The following PTPRD variants were observed in gnomAD, a reference collection of about 807,000 sequenced individuals.
PTPRD encodes the protein protein tyrosine phosphatase receptor type D, also known as receptor-type tyrosine-protein phosphatase delta.
In PTPRD, 34 loss-of-function variants were observed where a neutral mutation model predicts 214.5. That is an observed-to-expected ratio of 0.16 (90% confidence interval 0.12 to 0.21). The LOEUF is 0.21. PTPRD is among the 10% of genes least tolerant of loss of function. PTPRD has a pLI of 1.00. For missense variants in PTPRD, 2,545 were observed against 2,398.7 expected, an observed-to-expected ratio of 1.06 and a Z score of -1.27; for synonymous variants, 1,128 against 845.7, an observed-to-expected ratio of 1.33 and a Z score of -5.79.
intron 2 of PTPRD, among the ~76,000 whole-genome samples, chr9:10,487,275 C>T (rs180778347): frequency 2.0e-5 from 3 of 152,228 alleles, no homozygotes; most frequent in African/African-American, 7.2e-5. Context: ...GATTGAAGAG[C>T]TTAGTCCACT....
chr9:9,904,107 C>G lies in PTPRD; in HGVS notation c.-368+34400G>C, dbSNP rs73400690. ...CACAGCTTGTTCCTTTTCATCATCT[C>G]ACTTCTCTCTCTTCTCACAAAGAAT... On this transcript the variant is annotated intron_variant, in intron 5 of 45. Coordinates refer to ENST00000381196, the MANE Select transcript of PTPRD (RefSeq NM_002839.4). Among the ~76,000 whole-genome samples the G allele has an allele frequency of 2.5e-3, 383 of 152,188 alleles. 1 individual carries two copies. Among genetic ancestry groups the G allele is most frequent in the African/African-American group, 8.4e-3 (348 of 41,534 alleles).
intron 36 of PTPRD, among the ~76,000 whole-genome samples, chr9:8,399,312 G>C (rs1285564038): frequency 2.6e-5 from 4 of 152,078 alleles, no homozygotes; most frequent in Non-Finnish European, 5.9e-5. Context: ...GGCTTGCAAA[G>C]AGATTGTATA....
At chr9:9,908,223 C>T (rs1263255754) in intron 5 of PTPRD, among the ~76,000 whole-genome samples, 1 of 151,932 alleles carries the variant, frequency 6.6e-6, no homozygotes, top group Non-Finnish European at 1.5e-5. Context: ...GGAATTTACA[C>T]ATATAGAACA....
chr9:10,587,794 T>C (rs1278462246), intron 2 of PTPRD, among the ~76,000 whole-genome samples: 13 of 152,006 alleles, frequency 8.6e-5, no homozygotes, highest in Admixed American at 1.3e-4. Context: ...CACACTTTAG[T>C]CTAGTGAAGG....
At chr9:9,137,867 G>A (rs946460874) in intron 10 of PTPRD, among the ~76,000 whole-genome samples, 4 of 152,010 alleles carry the variant, frequency 2.6e-5, no homozygotes, top group South Asian at 2.1e-4. Context: ...CCCAATTCAG[G>A]TCTAAATAAT....
At chr9:9,631,639 A>C (rs967256423) in intron 7 of PTPRD, among the ~76,000 whole-genome samples, 18 of 152,184 alleles carry the variant, frequency 1.2e-4, no homozygotes, top group African/African-American at 4.3e-4. Flanking sequence ...GACACAAGCA[A>C]TGTCAGGTAA....
At chr9:8,858,936 T>G (rs776442435) in intron 11 of PTPRD, among the ~76,000 whole-genome samples, 37 of 152,056 alleles carry the variant, frequency 2.4e-4, no homozygotes, top group Non-Finnish European at 4.6e-4. Context: ...TCCAACAGAT[T>G]CACTCATCTC....
At chr9:9,766,480 T>A (rs1219444841) in intron 6 of PTPRD, among the ~76,000 whole-genome samples, 1 of 152,200 alleles carries the variant, frequency 6.6e-6, no homozygotes, top group African/African-American at 2.4e-5. Context: ...CCTATTTCAA[T>A]AATTTCATCT....
intron 9 of PTPRD, among the ~76,000 whole-genome samples, chr9:9,234,808 A>G (rs1307281296): frequency 6.6e-6 from 1 of 152,168 alleles, no homozygotes; most frequent in African/African-American, 2.4e-5. Context: ...TACCACTATC[A>G]GCATTTCGCT....
chr9:9,218,149 G>T (rs2099953512), intron 9 of PTPRD, among the ~76,000 whole-genome samples: 1 of 152,082 alleles, frequency 6.6e-6, no homozygotes, highest in Admixed American at 6.6e-5. Context: ...AAGCATCTTT[G>T]GGAATTGCTT....
rs567579444 is a variant in PTPRD at position 9,565,148 on chromosome 9, G to A, written c.-237+9584C>T. Among the ~76,000 whole-genome samples the A allele has an allele frequency of 2.7e-4, 41 of 151,774 alleles. No individual in the cohort carries two copies. The Middle Eastern group carries it at 0.024, about 88-fold the overall frequency. ...TAATATGTGTAAAAGGTTTTGTAAA[G>A]TGGAAAGGATTATCTGAATGAGTAA... On this transcript the variant is annotated intron_variant, in intron 8 of 45. Coordinates refer to ENST00000381196, the MANE Select transcript of PTPRD (RefSeq NM_002839.4).
intron 9 of PTPRD, among the ~76,000 whole-genome samples, chr9:9,313,576 C>A (rs973326634): frequency 6.6e-6 from 1 of 152,172 alleles, no homozygotes; most frequent in African/African-American, 2.4e-5. Flanking sequence ...GAATCCAAAT[C>A]TAGCTGCTCA....
At chr9:9,743,284 AG>A (rs2098423140) in intron 6 of PTPRD, among the ~76,000 whole-genome samples, 2 of 152,198 alleles carry the variant, frequency 1.3e-5, no homozygotes, top group Non-Finnish European at 2.9e-5. Flanking sequence ...TGAGTCCAAG[AG>A]GGCTGGAACC....
At chr9:9,498,215 T>G (rs535871766) in intron 8 of PTPRD, among the ~76,000 whole-genome samples, 3 of 152,152 alleles carry the variant, frequency 2.0e-5, no homozygotes, top group Non-Finnish European at 4.4e-5. Context: ...ATTATGCTCT[T>G]TGAGTGGCAT....
chr9:9,263,255 T>C (rs1209009633), intron 9 of PTPRD, among the ~76,000 whole-genome samples: 1 of 151,646 alleles, frequency 6.6e-6, no homozygotes, highest in Non-Finnish European at 1.5e-5. Flanking sequence ...CACAAGTACA[T>C]ATCATTTTTT....
chr9:9,314,618 GT>G (rs530003673), intron 9 of PTPRD, among the ~76,000 whole-genome samples: 1 of 152,092 alleles, frequency 6.6e-6, no homozygotes, highest in East Asian at 1.9e-4. Context: ...CTAGTATAGT[GT>G]TTTGCTTATG....
At chr9:8,855,453 G>C (rs1377577010) in intron 11 of PTPRD, among the ~76,000 whole-genome samples, 1 of 152,088 alleles carries the variant, frequency 6.6e-6, no homozygotes, top group East Asian at 1.9e-4. Flanking sequence ...AGAAGAATCT[G>C]TGTTACATAA....
At chr9:8,867,114 T>A (rs2098212469) in intron 11 of PTPRD, among the ~76,000 whole-genome samples, 5 of 152,122 alleles carry the variant, frequency 3.3e-5, no homozygotes. Flanking sequence ...AGATTCTGAG[T>A]TAAGACCAAT....
At chr9:10,410,920 C>T (rs1393014194) in intron 2 of PTPRD, among the ~76,000 whole-genome samples, 1 of 151,668 alleles carries the variant, frequency 6.6e-6, no homozygotes, top group Non-Finnish European at 1.5e-5. Context: ...AATTACCCTC[C>T]ATGTTAGTTA....
Sources: gnomAD v4.1 joint callset for allele counts (sites outside exome capture counted in the v4.1 genomes callset) on GRCh38, gnomAD v4.1.1 for gene constraint, MANE v1.5 for transcripts, NCBI Gene and HGNC (gene_info 2026-07-23, HGNC 2026-07-21) for gene names.